The following ERP44 variants were observed in gnomAD, a reference collection of about 807,000 sequenced individuals.
The protein encoded by ERP44 is endoplasmic reticulum resident protein 44.
A neutral mutation model predicts 53.4 loss-of-function variants in ERP44; 25 were observed. That is an observed-to-expected ratio of 0.47 (90% CI 0.34 to 0.65). The LOEUF is 0.65. Among genes scored for constraint, ERP44 ranks in the 30% least tolerant of loss-of-function variants. ERP44 has a pLI of 0.01. For missense variants in ERP44, 338 were observed against 493.2 expected, an observed-to-expected ratio of 0.69 and a Z score of 2.98; for synonymous variants, 145 against 161.2, an observed-to-expected ratio of 0.90 and a Z score of 0.76.
chr9:100,051,129 T>A (rs1303427758), intron 4 of ERP44, among the ~76,000 whole-genome samples: 3 of 152,224 alleles, frequency 2.0e-5, no homozygotes, highest in Admixed American at 6.5e-5. Context: ...TATCTAGTTA[T>A]GAATTTCAGC....
At chr9:100,019,503 G>C (rs1373912389) in intron 6 of ERP44, among the ~76,000 whole-genome samples, 1 of 152,106 alleles carries the variant, frequency 6.6e-6, no homozygotes, top group African/African-American at 2.4e-5. Context: ...CAGACATCCA[G>C]GCTCCATTCA....
At chr9:100,069,937 G>A (rs183812675) in intron 1 of ERP44, among the ~76,000 whole-genome samples, 4 of 152,208 alleles carry the variant, frequency 2.6e-5, no homozygotes, top group Admixed American at 2.0e-4. Context: ...AATTTACCTG[G>A]AACAGACAAT....
At chr9:100,001,171 T>C (rs1830372446) in intron 10 of ERP44, among the ~76,000 whole-genome samples, 1 of 152,218 alleles carries the variant, frequency 6.6e-6, no homozygotes, top group Non-Finnish European at 1.5e-5. Context: ...TCCCAGTTAT[T>C]GATTTCTAGC....
At chr9:100,014,249 C>G (rs1346735265) in intron 8 of ERP44, among the ~76,000 whole-genome samples, 2 of 152,060 alleles carry the variant, frequency 1.3e-5, no homozygotes, top group African/African-American at 4.8e-5. Context: ...CTGTTAGGTC[C>G]ACAAGCTAAA....
chr9:100,007,508 G>C (rs1830433977), intron 9 of ERP44, 70 bp downstream of exon 9: 4 of 793,176 alleles, frequency 5.0e-6, no homozygotes, highest in Non-Finnish European at 8.9e-6. Context: ...AAATGGGAGA[G>C]GAGATGATGA....
At position 99,989,977 on chromosome 9, in the gene ERP44, T is replaced by C. The variant is rs368790399; in HGVS notation, c.1017-4908A>G. Among the ~76,000 whole-genome samples the C allele has an allele frequency of 7.3e-4, 111 of 151,256 alleles. 1 individual carries two copies. The Middle Eastern group carries it at 0.024, about 33-fold the overall frequency. The stretch of plus-strand genomic sequence containing the variant: ...AGTGTGAAGGTTAGAGAAAAAAGAG[T>C]AAAAAGAGACAAACAAAGCCTCCAA... On this transcript the variant is annotated intron_variant, in intron 10 of 11. Coordinates refer to ENST00000262455, the MANE Select transcript of ERP44 (RefSeq NM_015051.3).
chr9:100,002,871 A>C (rs1830392646), intron 10 of ERP44, among the ~76,000 whole-genome samples: 1 of 152,180 alleles, frequency 6.6e-6, no homozygotes, highest in Non-Finnish European at 1.5e-5. Context: ...TCAGATTTGC[A>C]AAGCTTTTTT....
intron 1 of ERP44, among the ~76,000 whole-genome samples, chr9:100,060,469 C>A (rs1826133448): frequency 6.6e-6 from 1 of 152,154 alleles, no homozygotes; most frequent in African/African-American, 2.4e-5. Context: ...TTAACACTTT[C>A]AAGAACTTTA....
chr9:100,075,158 C>T (rs1410798180), intron 1 of ERP44, among the ~76,000 whole-genome samples: 1 of 152,190 alleles, frequency 6.6e-6, no homozygotes, highest in Admixed American at 6.5e-5. Flanking sequence ...CCATTCTACT[C>T]TCCTATCTGG....
Position 100,046,350 on chromosome 9 carries a change from G to A in ERP44, c.286+6067C>T, listed in dbSNP as rs1038864441. Among the ~76,000 whole-genome samples, 3 of 152,128 alleles carry A rather than the reference G, an allele frequency of 2.0e-5. No homozygotes were observed. In the East Asian group the frequency reaches 5.8e-4, roughly 29 times the overall value. On this transcript the variant is annotated intron_variant, in intron 4 of 11. Transcript: ENST00000262455. ...AACAACAAAAAGATATTAAGTGGAA[G>A]AGGGATAAAATCCAAATAAAATCCA... is the stretch of plus-strand genomic sequence containing the variant.
At chr9:99,984,037 A>G (rs1587952290) in intron 11 of ERP44, among the ~76,000 whole-genome samples, 1 of 152,218 alleles carries the variant, frequency 6.6e-6, no homozygotes, top group Non-Finnish European at 1.5e-5. Flanking sequence ...CCTTTGGGTT[A>G]TAGCCAACAA....
At chr9:100,079,550 C>T (rs894807936) in intron 1 of ERP44, among the ~76,000 whole-genome samples, 3 of 151,950 alleles carry the variant, frequency 2.0e-5, no homozygotes, top group Non-Finnish European at 4.4e-5. Context: ...TAACAGGACT[C>T]TTTCAGTAGT....
intron 4 of ERP44, among the ~76,000 whole-genome samples, chr9:100,026,384 A>C (rs924750788): frequency 3.3e-5 from 5 of 152,206 alleles, no homozygotes; most frequent in Non-Finnish European, 5.9e-5. Context: ...AAAAACACGA[A>C]TTTTTAAGAC....
chr9:99,989,921 TCAGTGATTGA>T (rs1029857008), intron 10 of ERP44, among the ~76,000 whole-genome samples: 22 of 152,266 alleles, frequency 1.4e-4, no homozygotes, highest in African/African-American at 4.8e-4. Flanking sequence ...AGAAAGGGTA[TCAGTGATTGA>T]AGATCAAATG....
chr9:100,097,869 AAGT>A (rs1826664082), intron 1 of ERP44, among the ~76,000 whole-genome samples: 1 of 152,250 alleles, frequency 6.6e-6, no homozygotes, highest in African/African-American at 2.4e-5. Context: ...ATTGTAAAGA[AAGT>A]AGTTCTTAAT....
intron 1 of ERP44, among the ~76,000 whole-genome samples, chr9:100,078,328 G>C (rs1391349677): frequency 1.3e-5 from 2 of 151,690 alleles, no homozygotes; most frequent in Non-Finnish European, 2.9e-5. Flanking sequence ...CGTGGTGGTG[G>C]GCAACTGTAA....
rs773290883 is a variant in ERP44, at chr9:100,063,092, A to AAAAAAAAAAAAAAG, written c.58-2921_58-2920insCTTTTTTTTTTTTT. ...CTGTCTCACAAAAAAAAAAAAAAAA[A>AAAAAAAAAAAAAAG]AGAGAGAGAGAGAGGGAAATTGATT... On this transcript the variant is annotated intron_variant, in intron 1 of 11. Coordinates refer to ENST00000262455, the MANE Select transcript of ERP44 (RefSeq NM_015051.3). Among the ~76,000 whole-genome samples the AAAAAAAAAAAAAAG allele has an allele frequency of 5.5e-5, 8 of 145,286 alleles. No individual in the cohort carries two copies. The East Asian group carries it at 6.2e-4, about 11-fold the overall frequency.
intron 4 of ERP44, among the ~76,000 whole-genome samples, chr9:100,043,637 C>A (rs1236719997): frequency 6.6e-6 from 1 of 152,002 alleles, no homozygotes; most frequent in Non-Finnish European, 1.5e-5. Flanking sequence ...CACCTGTAAT[C>A]CCAGCTACTC....
chr9:100,090,214 A>T lies in ERP44; in HGVS notation c.57+8570T>A, dbSNP rs1041312555. On this transcript the variant is annotated intron_variant, in intron 1 of 11. Transcript: ENST00000262455. ...TTATTCTCAGCCCTTTCAGAGGTAAAATCATTACAGAAGTGTAAGCTTATC... is the reference window on the plus strand; with the variant it reads ...TTATTCTCAGCCCTTTCAGAGGTAATATCATTACAGAAGTGTAAGCTTATC... Among the ~76,000 whole-genome samples the T allele has an allele frequency of 3.3e-5, 5 of 152,200 alleles. No homozygotes were observed. In the East Asian group the frequency reaches 7.7e-4, roughly 23 times the overall value.
Sources: allele counts gnomAD v4.1 joint callset (sites outside exome capture counted in the v4.1 genomes callset), GRCh38; gene constraint gnomAD v4.1.1; transcripts MANE v1.5; gene names NCBI Gene and HGNC (gene_info 2026-07-23, HGNC 2026-07-21).